Variants in NECAB3 observed in about 807,000 individuals in gnomAD.
NECAB3 encodes the protein N-terminal EF-hand calcium binding protein 3, also known as N-terminal EF-hand calcium-binding protein 3.
NECAB3 carries 38 observed loss-of-function variants against 57.2 expected under a neutral mutation model. The observed-to-expected ratio is 0.66, with a 90% CI of 0.51 to 0.87. NECAB3 has a LOEUF of 0.87. NECAB3 is among the 40% of genes least tolerant of loss of function. NECAB3 has a pLI of 0.00. For missense variants in NECAB3, 474 were observed against 527.5 expected (o/e 0.90, Z 0.99); for synonymous variants, 223 against 222.6 (o/e 1.00, Z -0.02).
At chr20:33,662,123 T>A (rs1178405333) in intron 5 of NECAB3, 1 of 550,938 alleles carries the variant, frequency 1.8e-6, no homozygotes, top group Non-Finnish European at 3.2e-6. Flanking sequence ...ACTAAGCACC[T>A]TACATGCATT....
intron 5 of NECAB3, among the ~76,000 whole-genome samples, chr20:33,668,915 G>A (rs568510974): frequency 2.6e-5 from 4 of 152,240 alleles, no homozygotes; most frequent in Non-Finnish European, 2.9e-5. Context: ...ACACAAACGC[G>A]TGGGTGTTCA....
chr20:33,674,143 G>A (rs1568905039), intron 1 of NECAB3, 81 bp downstream of exon 1: 3 of 1,207,880 alleles, frequency 2.5e-6, no homozygotes, highest in East Asian at 3.3e-5. Flanking sequence ...AAACAGCGGC[G>A]GGGCCCGAAC....
chr20:33,662,080 T>C (rs913848919), intron 5 of NECAB3: 4 of 360,368 alleles, frequency 1.1e-5, no homozygotes, highest in Non-Finnish European at 1.5e-5. Flanking sequence ...CCAAAATTCA[T>C]ACCCAAACCA....
Position 33,660,042 on chromosome 20 carries a change from C to T in NECAB3, c.525-39G>A. On this transcript the variant is annotated intron_variant, in intron 6 of 11. Coordinates refer to ENST00000246190, the MANE Select transcript of NECAB3 (RefSeq NM_031232.4). The surrounding 1 kb of genome is among the most constrained non-coding windows in gnomAD (Gnocchi z 4.1). Reference sequence around the variant, plus strand: ...GGCTCACAGGGCCGAGGACTGGGGCCCCAGGACGGGATAAGCCTGGGTGGG... The same window carrying T: ...GGCTCACAGGGCCGAGGACTGGGGCTCCAGGACGGGATAAGCCTGGGTGGG... 1 of 1,558,908 alleles carries T rather than the reference C, an allele frequency of 6.4e-7. No homozygotes were observed. The highest frequency in any genetic ancestry group is 8.7e-7 in the Non-Finnish European group (1 of 1,152,344).
At chr20:33,669,796 C>G in intron 3 of NECAB3, 84 bp from the exon 4 acceptor site, 1 of 1,435,440 alleles carries the variant, frequency 7.0e-7, no homozygotes. Flanking sequence ...TCCCACCCCA[C>G]CAACTCCCAG....
intron 5 of NECAB3, chr20:33,662,486 T>TGGGGAGCAGGGCTGGGG: frequency 6.5e-7 from 1 of 1,549,576 alleles, no homozygotes; most frequent in Non-Finnish European, 8.7e-7. Context: ...GGGCGGGGGA[T>TGGGGAGCAGGGCTGGGG]GGGGAGCAGG....
chr20:33,674,381 CG>C lies in NECAB3; in HGVS notation c.-30del, dbSNP rs2017906044. ...GCCGCCACCCGCTCGGGCTCGGCTG[CG>C]GTTGCTGCCGACCCTGGACGCCGCG... is the stretch of plus-strand genomic sequence containing the variant. On this transcript the variant is annotated 5_prime_UTR_variant, in exon 1 of 12. Coordinates refer to ENST00000246190, the MANE Select transcript of NECAB3 (RefSeq NM_031232.4). The C allele has an allele frequency of 8.7e-7, 1 of 1,154,678 alleles. No homozygotes were observed. Among genetic ancestry groups the C allele is most frequent in the Admixed American group, 4.8e-5 (1 of 21,046 alleles). The allele number at this position is 1,154,678 out of a possible 1,614,324, so 71.5% of individuals were successfully genotyped here. A position where few individuals can be genotyped will look rare whatever the true frequency, so the allele number is the denominator to read the frequency against.
At chr20:33,662,395 G>T (rs1407229518) in intron 5 of NECAB3, 2 of 1,551,580 alleles carry the variant, frequency 1.3e-6, no homozygotes, top group Non-Finnish European at 1.7e-6. Context: ...AAGCAGGCCC[G>T]CAAGGAGAGG....
At chr20:33,658,699 C>A in intron 9 of NECAB3, 23 bp downstream of exon 9, 1 of 1,609,754 alleles carries the variant, frequency 6.2e-7, no homozygotes, top group South Asian at 1.1e-5. Context: ...ACTGGCCATC[C>A]CACCTGCCAG....
In NECAB3 at chr20:33,658,352, C is replaced by T. The variant is rs187612576; in HGVS notation, c.1070+125G>A. On this transcript the variant is annotated intron_variant, in intron 10 of 11. Transcript: ENST00000246190. The stretch of plus-strand genomic sequence containing the variant: ...CCATTTTGGAAAGGACTCGGGGGCT[C>T]GGGCAGGTGGGGTCACTCATCTGAG... The T allele has an allele frequency of 6.7e-5, 66 of 987,456 alleles. No individual in the cohort carries two copies. In the East Asian group the frequency reaches 1.3e-3, roughly 20 times the overall value. 61.2% of individuals were successfully genotyped at this position (987,456 alleles called of 1,614,324 possible). A position where few individuals can be genotyped will look rare whatever the true frequency, so the allele number is the denominator to read the frequency against.
chr20:33,672,434 A>T lies in NECAB3; in HGVS notation c.130-12T>A, dbSNP rs1436112207. Reference sequence around the variant, plus strand: ...GCTCTGCGGAAAACCTAGAGGACAAAGGGACATAGAGAGAACTGTGAGTGC... The same window carrying T: ...GCTCTGCGGAAAACCTAGAGGACAATGGGACATAGAGAGAACTGTGAGTGC... On this transcript the variant is annotated splice_polypyrimidine_tract_variant and intron_variant, in intron 1 of 11. Coordinates refer to ENST00000246190, the MANE Select transcript of NECAB3 (RefSeq NM_031232.4). The T allele has an allele frequency of 5.0e-6, 8 of 1,614,084 alleles. No individual in the cohort carries two copies. Among genetic ancestry groups the T allele is most frequent in the Non-Finnish European group, 5.9e-6 (7 of 1,179,978 alleles).
chr20:33,672,262 T>G (rs1373708956), intron 2 of NECAB3, 136 bp downstream of exon 2: 1 of 1,026,348 alleles, frequency 9.7e-7, no homozygotes, highest in African/African-American at 1.6e-5. Context: ...GGAAGTGCCT[T>G]GATTGATTCT....
chr20:33,667,989 G>A, intron 5 of NECAB3: 1 of 1,547,086 alleles, frequency 6.5e-7, no homozygotes. Flanking sequence ...ACACCGTGGT[G>A]CTAGCCGGCG....
At chr20:33,674,516 T>G, upstream of NECAB3, 2 of 625,616 alleles carry the variant, frequency 3.2e-6, no homozygotes, top group Non-Finnish European at 4.0e-6. Context: ...CGCCTCAAGG[T>G]CCAACTCCAG....
At chr20:33,667,856 G>A (rs1448623151) in intron 5 of NECAB3, 3 of 1,606,032 alleles carry the variant, frequency 1.9e-6, no homozygotes, top group Admixed American at 1.7e-5. Context: ...AGCAGTGAGC[G>A]CTTCCGCTGC....
chr20:33,670,045 A>T (rs2017795619), intron 3 of NECAB3, among the ~76,000 whole-genome samples: 1 of 152,220 alleles, frequency 6.6e-6, no homozygotes. Context: ...AATGAAGTCC[A>T]GGGACGGCAT....
chr20:33,668,574 C>T (rs374700871), intron 5 of NECAB3: 5 of 245,126 alleles, frequency 2.0e-5, no homozygotes, highest in Non-Finnish European at 3.3e-5. Flanking sequence ...TTTGGACATA[C>T]ATCCGATGCC....
chr20:33,664,158 C>T (rs2017584122), intron 5 of NECAB3: 2 of 393,568 alleles, frequency 5.1e-6, no homozygotes, highest in Non-Finnish European at 8.9e-6. Context: ...ACATCCTGCC[C>T]AGTCTGCAGG....
In NECAB3 at chr20:33,658,486, G is replaced by A. The variant is rs2017353549; in HGVS notation, c.1061C>T (p.Ser354Phe). Residue 354 changes from serine to phenylalanine, a missense_variant, in exon 10 of 12, where the codon TCC (serine) becomes TTC (phenylalanine). By Grantham distance (155) the Ser-to-Phe change is radical. Coordinates refer to ENST00000246190, the MANE Select transcript of NECAB3 (RefSeq NM_031232.4). The stretch of plus-strand genomic sequence containing the variant: ...AGACTGGCACTCATACCTTCTCCAG[G>A]AGGCCTCATCCTGCCAGAACTCATA... ...TLYEFWQDEA[S>F]WRRHQQSPGS... 6.2e-7 allele frequency: 1 copy of A among 1,614,014 alleles called. No homozygotes were observed. The highest frequency in any genetic ancestry group is 8.5e-7 in the Non-Finnish European group (1 of 1,179,970).
Sources: gnomAD v4.1 joint callset for allele counts (sites outside exome capture counted in the v4.1 genomes callset) on GRCh38, gnomAD v4.1.1 for gene constraint, Gnocchi (gnomAD v3.1) non-coding constraint, MANE v1.5 for transcripts, NCBI Gene and HGNC (gene_info 2026-07-23, HGNC 2026-07-21) for gene names.